C1orf105: variants seen among roughly 807,000 people sequenced by gnomAD.
The protein encoded by C1orf105 is chromosome 1 open reading frame 105.
C1orf105 carries 17 observed loss-of-function variants against 20.8 expected under a neutral mutation model. The observed-to-expected ratio is 0.82, with a 90% CI of 0.56 to 1.23. The LOEUF (loss-of-function observed/expected upper bound fraction) is 1.23, where lower values mean the gene tolerates loss of function less well. C1orf105 is among the 50% of genes most tolerant of loss of function. C1orf105 has a pLI of 0.00. For missense variants in C1orf105, 219 were observed against 213.5 expected (o/e 1.03, Z -0.16); for synonymous variants, 72 against 72.1 (o/e 1.00, Z 0.01).
intron 1 of C1orf105, 50 bp from the exon 2 acceptor site, chr1:172,445,023 C>A: frequency 1.4e-6 from 2 of 1,441,988 alleles, no homozygotes; most frequent in Non-Finnish European, 9.7e-7. Context: ...GTAATGATAG[C>A]AATGTTTAAG....
At position 172,454,790 on chromosome 1, in the gene C1orf105, C is replaced by T. The variant is rs375818338; in HGVS notation, c.199-1625C>T. ...ACCCCTTTCAGCTTCACTGGAGCCTCGATATATTTCTGTTGTAGCACCTTC... is the reference window on the plus strand; with the variant it reads ...ACCCCTTTCAGCTTCACTGGAGCCTTGATATATTTCTGTTGTAGCACCTTC... On this transcript the variant is annotated intron_variant, in intron 3 of 6. Coordinates refer to ENST00000367727, the MANE Select transcript of C1orf105 (RefSeq NM_139240.4). Among the ~76,000 whole-genome samples the T allele has an allele frequency of 1.9e-3, 287 of 152,194 alleles. 1 individual carries two copies. The highest frequency in any genetic ancestry group is 6.8e-3 in the Middle Eastern group (2 of 294).
At chr1:172,462,992 G>C (rs1175471262) in intron 5 of C1orf105, among the ~76,000 whole-genome samples, 1 of 151,938 alleles carries the variant, frequency 6.6e-6, no homozygotes, top group Non-Finnish European at 1.5e-5. Flanking sequence ...GGCCAGGCTG[G>C]TCTCAAACTC....
intron 1 of C1orf105, among the ~76,000 whole-genome samples, chr1:172,440,405 C>T (rs2072182507): frequency 6.6e-6 from 1 of 152,188 alleles, no homozygotes; most frequent in Admixed American, 6.5e-5. Context: ...CATAGTGCTT[C>T]GTATCAGGGA....
intron 3 of C1orf105, chr1:172,453,292 A>G: frequency 6.9e-6 from 9 of 1,311,188 alleles, no homozygotes; most frequent in Non-Finnish European, 9.3e-6. Context: ...CACAAAGACC[A>G]TTATCGGTAG....
intron 6 of C1orf105, among the ~76,000 whole-genome samples, chr1:172,466,573 T>TACAC (rs3980398): frequency 0.012 from 1,789 of 147,222 alleles, 20 homozygotes; most frequent in African/African-American, 0.034. Context: ...ATGAATCACA[T>TACAC]ACACACACAC....
chr1:172,430,453 T>C, intron 1 of C1orf105: 1 of 595,198 alleles, frequency 1.7e-6, no homozygotes, highest in Non-Finnish European at 3.0e-6. Context: ...TTTTTTTATT[T>C]ATTTTTGAGA....
chr1:172,448,755 C>G (rs1648289263), intron 3 of C1orf105, among the ~76,000 whole-genome samples: 1 of 152,076 alleles, frequency 6.6e-6, no homozygotes, highest in Non-Finnish European at 1.5e-5. Context: ...AGGTTAGAAT[C>G]AACAAAACAG....
intron 1 of C1orf105, chr1:172,441,891 C>T (rs1217880993): frequency 6.2e-7 from 1 of 1,614,112 alleles, no homozygotes; most frequent in Non-Finnish European, 8.5e-7. Flanking sequence ...CACTAATGGA[C>T]AGTAGGCCTC....
chr1:172,433,105 T>C (rs905963618), intron 1 of C1orf105, among the ~76,000 whole-genome samples: 1 of 152,032 alleles, frequency 6.6e-6, no homozygotes, highest in Non-Finnish European at 1.5e-5. Flanking sequence ...CTCCAAGAAA[T>C]ATGGGACTAT....
rs150053004 is a variant in C1orf105 at position 172,446,768 on chromosome 1, CT to C, written c.107+1613del. 6.6e-3 allele frequency among the ~76,000 whole-genome samples: 1,002 copies of C among 152,314 alleles called. 12 individuals carry two copies. The highest frequency in any genetic ancestry group is 0.023 in the African/African-American group (964 of 41,560). ...ACTGGGCATCGGCAGCACCTGTTCA[CT>C]TTCATAGCCAGGTCCTGGAGGGTCA... On this transcript the variant is annotated intron_variant, in intron 2 of 6. Coordinates refer to ENST00000367727, the MANE Select transcript of C1orf105 (RefSeq NM_139240.4).
At chr1:172,423,051 G>A (rs1156235901) in intron 1 of C1orf105, among the ~76,000 whole-genome samples, 4 of 152,200 alleles carry the variant, frequency 2.6e-5, no homozygotes, top group Non-Finnish European at 5.9e-5. Context: ...AGGGCCCAGG[G>A]GAACTTGATT....
intron 1 of C1orf105, among the ~76,000 whole-genome samples, chr1:172,425,796 T>C (rs185109029): frequency 1.3e-5 from 2 of 152,252 alleles, no homozygotes; most frequent in East Asian, 3.9e-4. Context: ...AGCAATAATA[T>C]GCTCATGAGG....
intron 6 of C1orf105, among the ~76,000 whole-genome samples, chr1:172,467,436 T>G (rs1480960905): frequency 6.6e-6 from 1 of 152,206 alleles, no homozygotes. Context: ...GATTCCTTCA[T>G]GAATCTTTGA....
At position 172,423,952 on chromosome 1, in the gene C1orf105, T is replaced by C. The variant is rs138187781; in HGVS notation, c.21+3046T>C. Among the ~76,000 whole-genome samples the C allele has an allele frequency of 4.6e-5, 7 of 152,230 alleles. No individual in the cohort carries two copies. In the East Asian group the frequency reaches 9.7e-4, roughly 21 times the overall value. On this transcript the variant is annotated intron_variant, in intron 1 of 6. Coordinates refer to ENST00000367727, the MANE Select transcript of C1orf105 (RefSeq NM_139240.4). ...AAAAGAATAATTCCAAGTTGAACCA[T>C]TGTATGTCAGGGACCATCTTTATAT...
At chr1:172,435,611 T>C (rs961723757) in intron 1 of C1orf105, among the ~76,000 whole-genome samples, 1 of 152,198 alleles carries the variant, frequency 6.6e-6, no homozygotes, top group Non-Finnish European at 1.5e-5. Context: ...TAATAAGAGC[T>C]ACTCATGACA....
intron 1 of C1orf105, among the ~76,000 whole-genome samples, chr1:172,439,231 TTATC>T (rs1331209079): frequency 6.6e-6 from 1 of 152,176 alleles, no homozygotes; most frequent in Non-Finnish European, 1.5e-5. Flanking sequence ...TATATATGAT[TTATC>T]TATCTAGTTT....
intron 1 of C1orf105, among the ~76,000 whole-genome samples, chr1:172,434,894 A>G (rs1275109090): frequency 1.3e-5 from 2 of 152,246 alleles, no homozygotes; most frequent in Non-Finnish European, 2.9e-5. Context: ...AATAGACACA[A>G]TAAAAAATGA....
intron 3 of C1orf105, chr1:172,451,020 C>T (rs1377689350): frequency 6.6e-6 from 1 of 152,278 alleles, no homozygotes; most frequent in African/African-American, 2.4e-5. Flanking sequence ...CCACTCACGA[C>T]TCCTCAAGAT....
intron 1 of C1orf105, among the ~76,000 whole-genome samples, chr1:172,425,185 T>C (rs1019076538): frequency 6.6e-6 from 1 of 152,146 alleles, no homozygotes; most frequent in African/African-American, 2.4e-5. Flanking sequence ...AGGCCATTTG[T>C]CTTTCTAAGC....
Sources: gnomAD v4.1 joint callset for allele counts (sites outside exome capture counted in the v4.1 genomes callset) on GRCh38, gnomAD v4.1.1 for gene constraint, MANE v1.5 for transcripts, NCBI Gene and HGNC (gene_info 2026-07-23, HGNC 2026-07-21) for gene names.